The following CADM2 variants were observed in gnomAD, a reference collection of about 807,000 sequenced individuals.
CADM2 encodes the protein immunoglobulin superfamily member 4D.
A neutral mutation model predicts 49.8 loss-of-function variants in CADM2; 12 were observed. The observed-to-expected ratio is 0.24, with a 90% CI of 0.15 to 0.39. The LOEUF (loss-of-function observed/expected upper bound fraction) is 0.39. Among genes scored for constraint, CADM2 ranks in the 10% least tolerant of loss-of-function variants. The pLI is 1.00. For missense variants in CADM2, 378 were observed against 492.3 expected, an observed-to-expected ratio of 0.77 and a Z score of 2.20; for synonymous variants, 214 against 175.4, an observed-to-expected ratio of 1.22 and a Z score of -1.74.
intron 1 of CADM2, among the ~76,000 whole-genome samples, chr3:85,093,697 A>T (rs1221735217): frequency 6.6e-6 from 1 of 152,080 alleles, no homozygotes; most frequent in Non-Finnish European, 1.5e-5. Flanking sequence ...GCTATTACAA[A>T]CTCTTTTAAA....
At chr3:85,240,681 A>G (rs943893513) in intron 1 of CADM2, among the ~76,000 whole-genome samples, 2 of 151,548 alleles carry the variant, frequency 1.3e-5, no homozygotes, top group African/African-American at 4.8e-5. Flanking sequence ...GTTTGCTAAG[A>G]CACCTAAAGA....
intron 1 of CADM2, among the ~76,000 whole-genome samples, chr3:85,229,156 C>T (rs909392551): frequency 1.3e-5 from 2 of 152,142 alleles, no homozygotes; most frequent in Non-Finnish European, 2.9e-5. Context: ...GACGACCCTC[C>T]CCCAACCAAG....
intron 2 of CADM2, among the ~76,000 whole-genome samples, chr3:85,753,046 C>A (rs2068937891): frequency 6.6e-6 from 1 of 151,982 alleles, no homozygotes; most frequent in Non-Finnish European, 1.5e-5. Flanking sequence ...CAAAGGTAGG[C>A]AGATCTGCTT....
intron 1 of CADM2, among the ~76,000 whole-genome samples, chr3:85,262,503 A>T (rs2043034714): frequency 6.6e-6 from 1 of 152,134 alleles, no homozygotes; most frequent in Non-Finnish European, 1.5e-5. Flanking sequence ...GAAAAAATTC[A>T]TAATAAAGCC....
At chr3:85,210,614 T>C (rs1243721393) in intron 1 of CADM2, among the ~76,000 whole-genome samples, 2 of 152,164 alleles carry the variant, frequency 1.3e-5, no homozygotes, top group Non-Finnish European at 2.9e-5. Context: ...CAATCATGGC[T>C]CACTGCATCT....
intron 1 of CADM2, among the ~76,000 whole-genome samples, chr3:85,258,897 A>G (rs1005621160): frequency 6.6e-6 from 1 of 152,140 alleles, no homozygotes; most frequent in African/African-American, 2.4e-5. Flanking sequence ...GGAAACAGAT[A>G]GATAAGTAGA....
intron 1 of CADM2, among the ~76,000 whole-genome samples, chr3:85,652,660 G>T (rs1450444593): frequency 6.6e-6 from 1 of 151,892 alleles, no homozygotes; most frequent in Non-Finnish European, 1.5e-5. Context: ...GTGTGGTGGG[G>T]GAAAGAAATG....
At chr3:85,030,493 C>T (rs145614391) in intron 1 of CADM2, among the ~76,000 whole-genome samples, 1 of 152,254 alleles carries the variant, frequency 6.6e-6, no homozygotes, top group Non-Finnish European at 1.5e-5. Flanking sequence ...CAATAATAGA[C>T]TGCTTTTCTC....
At chr3:85,175,104 T>A (rs1375566032) in intron 1 of CADM2, among the ~76,000 whole-genome samples, 1 of 152,112 alleles carries the variant, frequency 6.6e-6, no homozygotes. Context: ...GGATGGCAAC[T>A]GTAAAAACAA....
chr3:85,371,202 A>G (rs907608550), intron 1 of CADM2, among the ~76,000 whole-genome samples: 2 of 152,138 alleles, frequency 1.3e-5, no homozygotes, highest in Non-Finnish European at 2.9e-5. Context: ...TCTAAAGTCT[A>G]CAGAAGCATA....
At chr3:85,011,146 G>A (rs1420906432) in intron 1 of CADM2, among the ~76,000 whole-genome samples, 18 of 151,914 alleles carry the variant, frequency 1.2e-4, no homozygotes, top group Admixed American at 1.0e-3. Flanking sequence ...TCACAGGCGT[G>A]AGCCACCGCG....
At chr3:85,750,117 T>G (rs879024408) in intron 2 of CADM2, among the ~76,000 whole-genome samples, 9 of 151,952 alleles carry the variant, frequency 5.9e-5, no homozygotes, top group African/African-American at 2.2e-4. Flanking sequence ...GAACTCATCT[T>G]AAGACTTTTT....
intron 1 of CADM2, among the ~76,000 whole-genome samples, chr3:85,022,107 A>ATTT (rs2034536358): frequency 6.6e-6 from 1 of 152,228 alleles, no homozygotes. Context: ...GGGCTCATAG[A>ATTT]TATTAGACAA....
intron 2 of CADM2, among the ~76,000 whole-genome samples, chr3:85,736,784 T>G (rs2068156857): frequency 6.6e-6 from 1 of 152,128 alleles, no homozygotes; most frequent in African/African-American, 2.4e-5. Flanking sequence ...GATCACTGGC[T>G]GCTCATGAAA....
chr3:85,330,230 C>G (rs1377804151), intron 1 of CADM2, among the ~76,000 whole-genome samples: 1 of 152,108 alleles, frequency 6.6e-6, no homozygotes, highest in Non-Finnish European at 1.5e-5. Context: ...GGAAACATCA[C>G]CTAACCTTCA....
At position 85,501,868 on chromosome 3, in the gene CADM2, A is replaced by T. The variant is rs562047878; in HGVS notation, c.62-224654A>T. On this transcript the variant is annotated intron_variant, in intron 1 of 9. Coordinates refer to ENST00000383699, the MANE Select transcript of CADM2 (RefSeq NM_001167675.2). ...AATAATGTAAATTTTTTGAAAAGCCAATTAAAACATTTATTATATCTCCTT... is the reference window on the plus strand; with the variant it reads ...AATAATGTAAATTTTTTGAAAAGCCTATTAAAACATTTATTATATCTCCTT... Among the ~76,000 whole-genome samples the T allele has an allele frequency of 2.4e-4, 37 of 152,276 alleles. No homozygotes were observed. The South Asian group carries it at 3.7e-3, about 15-fold the overall frequency.
At chr3:85,676,380 T>C (rs1046292281) in intron 1 of CADM2, among the ~76,000 whole-genome samples, 6 of 152,204 alleles carry the variant, frequency 3.9e-5, no homozygotes, top group African/African-American at 1.2e-4. Context: ...ATGAAATTTT[T>C]GATAAGCTCT....
At chr3:85,338,546 GATAGA>G (rs1198177049) in intron 1 of CADM2, among the ~76,000 whole-genome samples, 1 of 151,446 alleles carries the variant, frequency 6.6e-6, no homozygotes, top group African/African-American at 2.4e-5. Context: ...ATAGGTTTTT[GATAGA>G]ATATTTTCTT....
At chr3:85,326,548 A>T (rs116808784) in intron 1 of CADM2, among the ~76,000 whole-genome samples, 4,595 of 152,248 alleles carry the variant, frequency 0.03, 243 homozygotes, top group African/African-American at 0.1. Flanking sequence ...GTTCAATATT[A>T]TATTATTGAT....
Sources: gnomAD v4.1 joint callset for allele counts (sites outside exome capture counted in the v4.1 genomes callset) on GRCh38, gnomAD v4.1.1 for gene constraint, MANE v1.5 for transcripts, NCBI Gene and HGNC (gene_info 2026-07-23, HGNC 2026-07-21) for gene names.